Variants in CTNNA3 observed in about 807,000 individuals in gnomAD.
CTNNA3 encodes the protein catenin alpha 3.
In CTNNA3, 76 loss-of-function variants were observed where a neutral mutation model predicts 95.7. That is an observed-to-expected ratio of 0.79 (90% CI 0.66 to 0.96). CTNNA3 has a LOEUF of 0.96. Among genes scored for constraint, CTNNA3 ranks in the 40% least tolerant of loss-of-function variants. The probability of loss-of-function intolerance (pLI) is 0.00; values close to 1 mark genes in which losing one functional copy is unlikely to be tolerated. For missense variants in CTNNA3, 1,191 were observed against 1,089.8 expected, an observed-to-expected ratio of 1.09 and a Z score of -1.31; for synonymous variants, 431 against 374.4, an observed-to-expected ratio of 1.15 and a Z score of -1.74.
At chr10:66,076,611 C>T (rs984625393) in intron 14 of CTNNA3, among the ~76,000 whole-genome samples, 2 of 151,660 alleles carry the variant, frequency 1.3e-5, no homozygotes, top group African/African-American at 4.8e-5. Flanking sequence ...CAGTGGGTTA[C>T]TTTCACTGTT....
intron 16 of CTNNA3, among the ~76,000 whole-genome samples, chr10:65,968,462 T>C (rs2078023973): frequency 6.6e-6 from 1 of 152,250 alleles, no homozygotes; most frequent in South Asian, 2.1e-4. Flanking sequence ...GCATAGATCA[T>C]GGTGCATCAG....
chr10:66,473,669 C>A (rs1194631121), intron 11 of CTNNA3, among the ~76,000 whole-genome samples: 2 of 152,008 alleles, frequency 1.3e-5, no homozygotes, highest in Non-Finnish European at 2.9e-5. Flanking sequence ...TCCTGCCTCC[C>A]CCCACTCCAC....
At chr10:66,919,238 C>A (rs565264077) in intron 7 of CTNNA3, among the ~76,000 whole-genome samples, 1 of 150,786 alleles carries the variant, frequency 6.6e-6, no homozygotes, top group South Asian at 2.1e-4. Flanking sequence ...TGAGTATCGA[C>A]GAAATAAAAT....
intron 7 of CTNNA3, among the ~76,000 whole-genome samples, chr10:67,136,076 T>C (rs1860294349): frequency 1.3e-5 from 2 of 152,278 alleles, no homozygotes; most frequent in Middle Eastern, 3.4e-3. Flanking sequence ...CATATTCCTT[T>C]GAAGCTTTTA....
intron 5 of CTNNA3, among the ~76,000 whole-genome samples, chr10:67,338,152 G>C (rs1462578468): frequency 6.6e-6 from 1 of 152,102 alleles, no homozygotes; most frequent in East Asian, 1.9e-4. Context: ...AAAGAAAACA[G>C]GTTTAATTGG....
At chr10:66,569,312 G>T (rs887105978) in intron 10 of CTNNA3, among the ~76,000 whole-genome samples, 10 of 151,906 alleles carry the variant, frequency 6.6e-5, no homozygotes, top group Non-Finnish European at 1.5e-4. Context: ...TCTTTCATTG[G>T]GACAAACATT....
At chr10:66,124,262 A>T (rs932333504) in intron 13 of CTNNA3, among the ~76,000 whole-genome samples, 9 of 152,208 alleles carry the variant, frequency 5.9e-5, no homozygotes, top group African/African-American at 2.2e-4. Flanking sequence ...TCTCTAGGGC[A>T]GGGGCAAAAT....
intron 7 of CTNNA3, among the ~76,000 whole-genome samples, chr10:66,980,687 C>T (rs1279078196): frequency 1.3e-5 from 2 of 152,142 alleles, no homozygotes; most frequent in African/African-American, 4.8e-5. Context: ...GTTTTCAGTA[C>T]AAAATTGTGC....
intron 11 of CTNNA3, among the ~76,000 whole-genome samples, chr10:66,453,754 C>A (rs2093479197): frequency 6.6e-6 from 1 of 152,158 alleles, no homozygotes; most frequent in African/African-American, 2.4e-5. Context: ...ATCAACTGAA[C>A]TTAAGCATGT....
intron 12 of CTNNA3, among the ~76,000 whole-genome samples, chr10:66,359,284 C>A (rs2092635733): frequency 6.6e-6 from 1 of 152,084 alleles, no homozygotes; most frequent in Non-Finnish European, 1.5e-5. Context: ...TTTGCACTTA[C>A]TTTCAGGGAT....
intron 15 of CTNNA3, among the ~76,000 whole-genome samples, chr10:66,062,485 A>C (rs955934510): frequency 2.0e-5 from 3 of 152,130 alleles, no homozygotes; most frequent in Admixed American, 2.0e-4. Context: ...ACAAAGGTGG[A>C]ACCAAGGAAT....
chr10:67,023,972 CAG>C (rs1416419094), intron 7 of CTNNA3, among the ~76,000 whole-genome samples: 14 of 152,162 alleles, frequency 9.2e-5, no homozygotes, highest in African/African-American at 2.7e-4. Context: ...TTCTAATCCT[CAG>C]AGTCTATATT....
At chr10:66,774,927 T>A (rs1840234424) in intron 8 of CTNNA3, among the ~76,000 whole-genome samples, 1 of 152,154 alleles carries the variant, frequency 6.6e-6, no homozygotes, top group South Asian at 2.1e-4. Flanking sequence ...TTACAAAAAC[T>A]AATTTTTGAA....
At chr10:66,085,308 G>C (rs1191156215) in intron 14 of CTNNA3, among the ~76,000 whole-genome samples, 1 of 152,070 alleles carries the variant, frequency 6.6e-6, no homozygotes, top group African/African-American at 2.4e-5. Context: ...GTGATAGGAG[G>C]AGGAAACATG....
At chr10:66,202,086 T>C (rs970866252) in intron 13 of CTNNA3, among the ~76,000 whole-genome samples, 3 of 152,166 alleles carry the variant, frequency 2.0e-5, no homozygotes, top group Non-Finnish European at 4.4e-5. Context: ...ACACCTGGCC[T>C]TGCCATCTAT....
chr10:67,541,706 G>A (rs959194248), intron 3 of CTNNA3, among the ~76,000 whole-genome samples: 1 of 152,016 alleles, frequency 6.6e-6, no homozygotes, highest in African/African-American at 2.4e-5. Flanking sequence ...TGTTATTTTG[G>A]AGGAAATTTC....
chr10:66,820,227 A>C (rs1458282997), intron 7 of CTNNA3, among the ~76,000 whole-genome samples: 1 of 152,196 alleles, frequency 6.6e-6, no homozygotes, highest in African/African-American at 2.4e-5. Context: ...GCTAAATGAA[A>C]GAAGCTGGTC....
chr10:67,124,680 A>C (rs2132002519), intron 7 of CTNNA3, among the ~76,000 whole-genome samples: 1 of 152,348 alleles, frequency 6.6e-6, no homozygotes, highest in South Asian at 2.1e-4. Flanking sequence ...AGGTATATTA[A>C]GCTATAATAA....
At chr10:67,484,330 A>G (rs1360600963) in intron 5 of CTNNA3, among the ~76,000 whole-genome samples, 1 of 152,228 alleles carries the variant, frequency 6.6e-6, no homozygotes, top group Non-Finnish European at 1.5e-5. Context: ...CTCAAAATGG[A>G]TTAAATATTT....
Sources: gnomAD v4.1 joint callset for allele counts (sites outside exome capture counted in the v4.1 genomes callset) on GRCh38, gnomAD v4.1.1 for gene constraint, MANE v1.5 for transcripts, NCBI Gene and HGNC (gene_info 2026-07-23, HGNC 2026-07-21) for gene names.